The following GTF2IRD1 variants were observed in gnomAD, a reference collection of about 807,000 sequenced individuals.
GTF2IRD1 encodes GTF2I repeat domain containing 1.
Under a neutral mutation model 113.2 loss-of-function variants are expected in GTF2IRD1, and 26 were observed. The ratio of observed to expected loss-of-function variants is 0.23; its 90% CI spans 0.17 to 0.32. The LOEUF is 0.32. Ranked by LOEUF, GTF2IRD1 falls within the 10% of genes least tolerant of loss-of-function variation. GTF2IRD1 has a pLI of 1.00. For synonymous variants in GTF2IRD1, 484 were observed against 529.1 expected (o/e 0.91, Z 1.17); for missense variants, 864 against 1,280.8 (o/e 0.67, Z 4.97).
chr7:74,569,113 G>A lies in GTF2IRD1; in HGVS notation c.2320+9458G>A, dbSNP rs1800527580. On this transcript the variant is annotated intron_variant, in intron 22 of 26. Coordinates refer to ENST00000424337, the MANE Select transcript of GTF2IRD1 (RefSeq NM_005685.4). ...CTTTCCCCCAACTCCCCTCCCAGAA[G>A]TAGCTCACTCTCCTCTGCCTGCCAC... 2.0e-5 allele frequency among the ~76,000 whole-genome samples: 3 copies of A among 152,288 alleles called. No individual in the cohort carries two copies. The South Asian group carries it at 6.2e-4, about 32-fold the overall frequency.
intron 7 of GTF2IRD1, among the ~76,000 whole-genome samples, chr7:74,523,139 A>T (rs1797386885): frequency 6.6e-6 from 1 of 152,210 alleles, no homozygotes; most frequent in South Asian, 2.1e-4. Context: ...GGATCGTTTG[A>T]GTCCAAGAGT....
At chr7:74,517,313 C>T (rs1796993502) in intron 4 of GTF2IRD1, among the ~76,000 whole-genome samples, 1 of 151,778 alleles carries the variant, frequency 6.6e-6, no homozygotes, top group Admixed American at 6.6e-5. Context: ...GCGTGAGCCA[C>T]CACGCCCAGC....
intron 1 of GTF2IRD1, among the ~76,000 whole-genome samples, chr7:74,490,542 ACC>A (rs66883639): frequency 0.014 from 1,817 of 129,808 alleles, 42 homozygotes; most frequent in African/African-American, 0.048. Context: ...GAGAAAGGAT[ACC>A]CCCCCCCCCG....
At position 74,474,696 on chromosome 7, in the gene GTF2IRD1, G is replaced by A. The variant is rs531746957; in HGVS notation, c.-7+20520G>A. Reference sequence around the variant, plus strand: ...ACTGTTGTGTTTGTAGTGTTGCTGAGGTGGGTTGCGAGATGCCCATCAGCA... The same window carrying A: ...ACTGTTGTGTTTGTAGTGTTGCTGAAGTGGGTTGCGAGATGCCCATCAGCA... On this transcript the variant is annotated intron_variant, in intron 1 of 26. Transcript: ENST00000424337. 2.0e-5 allele frequency among the ~76,000 whole-genome samples: 3 copies of A among 152,298 alleles called. No homozygotes were observed. In the South Asian group the frequency reaches 6.2e-4, roughly 32 times the overall value.
At chr7:74,484,254 A>G (rs1032720525) in intron 1 of GTF2IRD1, among the ~76,000 whole-genome samples, 2 of 152,082 alleles carry the variant, frequency 1.3e-5, no homozygotes, top group Non-Finnish European at 2.9e-5. Context: ...GAGATGGTAT[A>G]TGCATCACCG....
At chr7:74,500,406 G>A (rs1795967496) in intron 1 of GTF2IRD1, among the ~76,000 whole-genome samples, 1 of 150,590 alleles carries the variant, frequency 6.6e-6, no homozygotes, top group South Asian at 2.1e-4. Context: ...AACATAGTGA[G>A]ACCCTATCTG....
intron 2 of GTF2IRD1, among the ~76,000 whole-genome samples, chr7:74,509,683 T>A (rs1796513989): frequency 6.6e-6 from 1 of 152,064 alleles, no homozygotes; most frequent in African/African-American, 2.4e-5. Flanking sequence ...TTTGTTTTGT[T>A]TTGTTTTTGA....
intron 14 of GTF2IRD1, among the ~76,000 whole-genome samples, chr7:74,543,913 G>A (rs1389991321): frequency 7.9e-5 from 12 of 151,066 alleles, no homozygotes; most frequent in Admixed American, 4.0e-4. Flanking sequence ...GCTGGATGTG[G>A]TGGTACCTAC....
intron 22 of GTF2IRD1, among the ~76,000 whole-genome samples, chr7:74,577,175 C>T (rs1554364802): frequency 2.6e-5 from 4 of 152,120 alleles, no homozygotes; most frequent in African/African-American, 7.2e-5. Flanking sequence ...GTAGCTGTGA[C>T]TACAAGCGTG....
intron 8 of GTF2IRD1, among the ~76,000 whole-genome samples, chr7:74,526,434 A>G (rs782513073): frequency 2.6e-5 from 4 of 152,164 alleles, no homozygotes; most frequent in African/African-American, 7.2e-5. Flanking sequence ...TCCCAGCTCT[A>G]CCAGCCACCA....
intron 1 of GTF2IRD1, among the ~76,000 whole-genome samples, chr7:74,483,619 C>T (rs1794863522): frequency 6.6e-6 from 1 of 151,902 alleles, no homozygotes; most frequent in South Asian, 2.1e-4. Context: ...CTGAGGCAGG[C>T]GGATGGCTGG....
At chr7:74,479,383 T>C (rs933365617) in intron 1 of GTF2IRD1, among the ~76,000 whole-genome samples, 36 of 71,884 alleles carry the variant, frequency 5.0e-4, no homozygotes, top group Middle Eastern at 0.011. Context: ...CTGGCCCCGC[T>C]CAGGCCCGAC....
chr7:74,548,067 C>T (rs1190767799), intron 17 of GTF2IRD1, among the ~76,000 whole-genome samples: 2 of 152,114 alleles, frequency 1.3e-5, no homozygotes, highest in Non-Finnish European at 2.9e-5. Context: ...GTGTTTTTGC[C>T]AATGAGGGCC....
At chr7:74,579,478 C>T (rs1583943494) in intron 22 of GTF2IRD1, among the ~76,000 whole-genome samples, 1 of 151,968 alleles carries the variant, frequency 6.6e-6, no homozygotes, top group East Asian at 1.9e-4. Context: ...ATTAGCCAAG[C>T]GTGGTGGCTC....
At chr7:74,596,014 A>ATG (rs1244402571) in intron 25 of GTF2IRD1, 3 of 152,150 alleles carry the variant, frequency 2.0e-5, no homozygotes, top group African/African-American at 7.2e-5. Flanking sequence ...GGTGACTATG[A>ATG]TGTGCACCTG....
intron 1 of GTF2IRD1, among the ~76,000 whole-genome samples, chr7:74,481,279 T>C (rs1794727413): frequency 6.6e-6 from 1 of 152,204 alleles, no homozygotes; most frequent in African/African-American, 2.4e-5. Context: ...CTCAGCTTTC[T>C]GAGTAGCTGT....
Position 74,478,193 on chromosome 7 carries a change from A to G in GTF2IRD1, c.-7+24017A>G, listed in dbSNP as rs1401411189. On this transcript the variant is annotated intron_variant, in intron 1 of 26. Coordinates refer to ENST00000424337, the MANE Select transcript of GTF2IRD1 (RefSeq NM_005685.4). The stretch of plus-strand genomic sequence containing the variant: ...TGCATTTCCCACCCAGCACTCCCCA[A>G]CCGCCCCTTGCGTGGAGGGACAGAG... Among the ~76,000 whole-genome samples the G allele has an allele frequency of 1.3e-5, 2 of 151,980 alleles. 1 individual carries two copies. Among genetic ancestry groups the G allele is most frequent in the African/African-American group, 4.8e-5 (2 of 41,370 alleles).
At position 74,582,021 on chromosome 7, in the gene GTF2IRD1, T is replaced by G. The variant is rs587755904; in HGVS notation, c.2321-7830T>G. ...GACCATCTCAACTCAAAAAAATAAA[T>G]AAATAAATAAAGCTTGGCTGGGCCA... On this transcript the variant is annotated intron_variant, in intron 22 of 26. Transcript: ENST00000424337. Among the ~76,000 whole-genome samples, 79 of 152,042 alleles carry G rather than the reference T, an allele frequency of 5.2e-4. 1 individual carries two copies. Among genetic ancestry groups the G allele is most frequent in the Middle Eastern group, 6.8e-3 (2 of 294 alleles).
At chr7:74,554,847 C>T (rs1388281018) in intron 17 of GTF2IRD1, among the ~76,000 whole-genome samples, 7 of 152,122 alleles carry the variant, frequency 4.6e-5, no homozygotes, top group African/African-American at 1.4e-4. Context: ...CTTGTTTCTA[C>T]ACTTTAAACC....
Sources: allele counts gnomAD v4.1 joint callset (sites outside exome capture counted in the v4.1 genomes callset), GRCh38; gene constraint gnomAD v4.1.1; transcripts MANE v1.5; gene names NCBI Gene and HGNC (gene_info 2026-07-23, HGNC 2026-07-21).